LETMD1: variants seen among roughly 807,000 people sequenced by gnomAD.
LETMD1 encodes the protein LETM1 domain-containing protein 1.
LETMD1 carries 30 observed loss-of-function variants against 43.9 expected under a neutral mutation model. The observed-to-expected ratio is 0.68, with a 90% CI of 0.51 to 0.93. The LOEUF (loss-of-function observed/expected upper bound fraction) is 0.93, where lower values mean the gene tolerates loss of function less well. Ranked by LOEUF, LETMD1 falls within the 40% of genes least tolerant of loss-of-function variation. The pLI, the probability that LETMD1 is intolerant of heterozygous loss-of-function variation, is 0.00. For synonymous variants in LETMD1, 176 were observed against 163.1 expected (o/e 1.08, Z -0.60); for missense variants, 413 against 447.7 (o/e 0.92, Z 0.70).
rs1945128103 is a variant in LETMD1, at chr12:51,048,890, C to A, written c.123-144C>A. The A allele has an allele frequency of 7.7e-6, 6 of 783,184 alleles. No homozygotes were observed. In the Admixed American group the frequency reaches 1.7e-4, roughly 22 times the overall value. The allele number at this position is 783,184 out of a possible 1,614,324, so 48.5% of individuals were successfully genotyped here. A position where few individuals can be genotyped will look rare whatever the true frequency, so the allele number is the denominator to read the frequency against. On this transcript the variant is annotated intron_variant, in intron 1 of 8. Transcript: ENST00000262055. ...TTCACAGTCTGATTGCCTATCTCTT[C>A]TTGACCCCAAGACCTTCCTTGGATT...
intron 4 of LETMD1, among the ~76,000 whole-genome samples, chr12:51,054,458 G>A (rs1947055492): frequency 6.6e-6 from 1 of 152,190 alleles, no homozygotes; most frequent in Non-Finnish European, 1.5e-5. Flanking sequence ...AGTCTGGAAA[G>A]TCCAATATCA....
intron 8 of LETMD1, chr12:51,059,059 C>G: frequency 2.7e-6 from 1 of 370,316 alleles, no homozygotes; most frequent in Non-Finnish European, 5.1e-6. Flanking sequence ...GAGAAATGTC[C>G]CTAGAGCACC....
At chr12:51,055,017 A>G (rs926549329) in intron 4 of LETMD1, among the ~76,000 whole-genome samples, 1 of 151,926 alleles carries the variant, frequency 6.6e-6, no homozygotes, top group East Asian at 1.9e-4. Context: ...GTAGAATCGC[A>G]TGAACCCAGG....
At chr12:51,054,793 G>T (rs895916806) in intron 4 of LETMD1, among the ~76,000 whole-genome samples, 2 of 152,082 alleles carry the variant, frequency 1.3e-5, no homozygotes, top group Non-Finnish European at 1.5e-5. Context: ...CAAACACGTA[G>T]ATAAATAAAT....
Position 51,055,944 on chromosome 12 carries a change from A to C in LETMD1, c.583A>C (p.Ile195Leu). Residue 195 changes from isoleucine (I) to leucine (L), a missense_variant, in exon 5 of 9, where the codon ATT (isoleucine) becomes CTT (leucine). Coordinates refer to ENST00000262055, the MANE Select transcript of LETMD1 (RefSeq NM_015416.5). The stretch of plus-strand genomic sequence containing the variant: ...CCGGAAGCAGTCCCACCCAGAAATT[A>C]TTAGTTATTTAGAAAAGGTCATCCC... Reference protein sequence around the residue: ...AFRKQSHPEIISYLEKVIPLI... With the variant: ...AFRKQSHPEILSYLEKVIPLI... The C allele has an allele frequency of 6.2e-7, 1 of 1,614,050 alleles. No homozygotes were observed. The highest frequency in any genetic ancestry group is 8.5e-7 in the Non-Finnish European group (1 of 1,179,948).
At chr12:51,055,776 G>T in intron 4 of LETMD1, 59 bp from the exon 5 acceptor site, 1 of 1,233,482 alleles carries the variant, frequency 8.1e-7, no homozygotes. Context: ...TGCTTTCTTT[G>T]GCTTCCTCTG....
chr12:51,067,729 G>A, the LETMD1 span: 2 of 1,614,112 alleles, frequency 1.2e-6, no homozygotes, highest in Non-Finnish European at 1.7e-6. This position sits in a 1 kb window ranked among gnomAD's most constrained non-coding sequence, Gnocchi z 4.1. Flanking sequence ...CAATACAGTC[G>A]GCAGTCACAA....
chr12:51,059,146 T>G, intron 8 of LETMD1: 13 of 527,588 alleles, frequency 2.5e-5, no homozygotes, highest in Non-Finnish European at 3.4e-5. Flanking sequence ...TGCAATCACA[T>G]GAGAAATAGA....
chr12:51,049,267 G>A, intron 2 of LETMD1, 82 bp downstream of exon 2: 1 of 1,283,260 alleles, frequency 7.8e-7, no homozygotes, highest in South Asian at 1.5e-5. Context: ...ATCATTTGCA[G>A]GTTCTGCTAT....
chr12:51,062,999 C>A (rs1592734182), downstream of LETMD1: 1 of 152,180 alleles, frequency 6.6e-6, no homozygotes, highest in African/African-American at 2.4e-5. Context: ...TATACCATAT[C>A]CCCAGCCAAT....
chr12:51,051,523 A>G (rs1272188348), intron 2 of LETMD1, among the ~76,000 whole-genome samples: 2 of 152,072 alleles, frequency 1.3e-5, no homozygotes, highest in African/African-American at 4.8e-5. Flanking sequence ...GCCTGTCCAC[A>G]TGGTGAAACC....
chr12:51,048,288 A>G, upstream of LETMD1: 1 of 1,609,760 alleles, frequency 6.2e-7, no homozygotes, highest in Non-Finnish European at 8.5e-7. Flanking sequence ...GCGTCTTCGA[A>G]CGAACGCGAC....
rs573444754 is a variant in LETMD1, at chr12:51,049,017, T to G, written c.123-17T>G. On this transcript the variant is annotated splice_polypyrimidine_tract_variant and intron_variant, in intron 1 of 8. Coordinates refer to ENST00000262055, the MANE Select transcript of LETMD1 (RefSeq NM_015416.5). ...CTAGGACTGATTCCCAGATAGTCTC[T>G]TTGATCTTCCTTGTAGGTCTTCAAA... 2 of 1,610,586 alleles carry G rather than the reference T, an allele frequency of 1.2e-6. No individual in the cohort carries two copies. The highest frequency in any genetic ancestry group is 1.7e-6 in the Non-Finnish European group (2 of 1,178,386).
chr12:51,048,569 G>C (rs1434612243), intron 1 of LETMD1, 91 bp downstream of exon 1: 2 of 1,505,530 alleles, frequency 1.3e-6, no homozygotes, highest in Non-Finnish European at 1.8e-6. Flanking sequence ...AATTCTCAGA[G>C]TTCCACGCCT....
rs566226465 is a variant in LETMD1 at position 51,059,874 on chromosome 12, T to A, written c.*443T>A. On this transcript the variant is annotated 3_prime_UTR_variant, in exon 9 of 9. Coordinates refer to ENST00000262055, the MANE Select transcript of LETMD1 (RefSeq NM_015416.5). ...AATTTGTGGCTGGTGAAAACAGCAC[T>A]CCTTTGGCTGGAGCACATGTGTCCG... 43 of 172,330 alleles carry A rather than the reference T, an allele frequency of 2.5e-4. No homozygotes were observed. Among genetic ancestry groups the A allele is most frequent in the Non-Finnish European group, 4.5e-4 (36 of 79,506 alleles). The allele number at this position is 172,330 out of a possible 1,614,324, so 10.7% of individuals were successfully genotyped here. A position where few individuals can be genotyped will look rare whatever the true frequency, so the allele number is the denominator to read the frequency against.
At position 51,058,040 on chromosome 12, in the gene LETMD1, T is replaced by C. The variant is rs1445765733; in HGVS notation, c.924T>C (p.Tyr308=). 4.3e-6 allele frequency: 7 copies of C among 1,610,780 alleles called. No individual in the cohort carries two copies. The highest frequency in any genetic ancestry group is 1.3e-5 in the African/African-American group (1 of 75,004). The part of the protein sequence containing the change: ...LTAQEVKSAC[Y]LRGLNSTHIG... ...TGTTCTGAGTGGTATAGGCTTGTTATCTCCGTGGCCTGAATTCTACGCATA... is the reference window on the plus strand; with the variant it reads ...TGTTCTGAGTGGTATAGGCTTGTTACCTCCGTGGCCTGAATTCTACGCATA... Residue 308 remains tyrosine (Y), a synonymous_variant, in exon 8 of 9, where the codon TAT becomes TAC. Transcript: ENST00000262055.
At chr12:51,060,864 T>C (rs1948799627), downstream of LETMD1, among the ~76,000 whole-genome samples, 2 of 139,662 alleles carry the variant, frequency 1.4e-5, no homozygotes, top group African/African-American at 5.5e-5. Context: ...ATTACGACAC[T>C]GCACTCCAGT....
Position 51,048,455 on chromosome 12 carries a change from T to A in LETMD1, c.99T>A (p.Ser33=). 1 of 1,613,948 alleles carries A rather than the reference T, an allele frequency of 6.2e-7. No homozygotes were observed. Among genetic ancestry groups the A allele is most frequent in the Non-Finnish European group, 8.5e-7 (1 of 1,180,032 alleles). ...CCCGGAGGCTGCAACTTGGTCGCTC[T>A]GGCCTGGCTTGGGGGGCCCCTCGGT... The part of the protein sequence containing the change: ...FVTRRLQLGR[S]GLAWGAPRSS... The change falls in exon 1 of 9, where the codon TCT becomes TCA. Residue 33 remains serine, a synonymous_variant. Coordinates refer to ENST00000262055, the MANE Select transcript of LETMD1 (RefSeq NM_015416.5).
downstream of LETMD1, chr12:51,062,906 G>C (rs1937713951): frequency 6.6e-6 from 1 of 152,460 alleles, no homozygotes; most frequent in South Asian, 2.1e-4. Flanking sequence ...GCTCCACATA[G>C]GCCTCCTATG....
Sources: gnomAD v4.1 joint callset for allele counts (sites outside exome capture counted in the v4.1 genomes callset) on GRCh38, gnomAD v4.1.1 for gene constraint, Gnocchi (gnomAD v3.1) non-coding constraint, MANE v1.5 for transcripts, NCBI Gene and HGNC (gene_info 2026-07-23, HGNC 2026-07-21) for gene names.